GIGYF2: variants seen among roughly 807,000 people sequenced by gnomAD.
GIGYF2 encodes the protein GRB10-interacting GYF protein 2.
Under a neutral mutation model 208.1 loss-of-function variants are expected in GIGYF2, and 25 were observed. That is an observed-to-expected ratio of 0.12 (90% CI 0.09 to 0.17). The LOEUF (loss-of-function observed/expected upper bound fraction) is 0.17, where lower values mean the gene tolerates loss of function less well. Ranked by LOEUF, GIGYF2 falls within the 10% of genes least tolerant of loss-of-function variation. GIGYF2 has a pLI of 1.00. For missense variants in GIGYF2, 1,302 were observed against 1,579.4 expected (o/e 0.82, Z 2.98); for synonymous variants, 534 against 543.8 (o/e 0.98, Z 0.25).
At chr2:232,845,935 C>T in intron 26 of GIGYF2, 49 bp downstream of exon 26, 3 of 1,312,090 alleles carry the variant, frequency 2.3e-6, no homozygotes, top group Non-Finnish European at 3.3e-6. Flanking sequence ...AGAGCAGGAC[C>T]CACAGAGAGG....
chr2:232,782,209 A>AT (rs1699743147), intron 8 of GIGYF2, among the ~76,000 whole-genome samples: 1 of 151,868 alleles, frequency 6.6e-6, no homozygotes, highest in African/African-American at 2.4e-5. Flanking sequence ...CTTTTTAAAA[A>AT]ATTTTTTTTT....
intron 25 of GIGYF2, among the ~76,000 whole-genome samples, chr2:232,844,896 A>G (rs1041014814): frequency 6.6e-6 from 1 of 152,126 alleles, no homozygotes; most frequent in South Asian, 2.1e-4. Flanking sequence ...ATACCTTAGC[A>G]TTTTTCCTAT....
At chr2:232,735,467 C>T (rs1023071288) in intron 3 of GIGYF2, 1 of 410,362 alleles carries the variant, frequency 2.4e-6, no homozygotes, top group Admixed American at 4.1e-5. Flanking sequence ...GTAATGATGG[C>T]GGGAGTCCCA....
chr2:232,809,410 G>T (rs1700662784), intron 15 of GIGYF2, among the ~76,000 whole-genome samples: 1 of 152,006 alleles, frequency 6.6e-6, no homozygotes, highest in African/African-American at 2.4e-5. Flanking sequence ...CAGTCTTTCA[G>T]TTACAGTAAT....
chr2:232,720,583 A>ATTTTTTTT (rs1553605416), intron 2 of GIGYF2, among the ~76,000 whole-genome samples: 60 of 144,986 alleles, frequency 4.1e-4, no homozygotes, highest in South Asian at 2.6e-3. Flanking sequence ...ATATATATAT[A>ATTTTTTTT]TTTTTGTTTG....
chr2:232,857,027 T>A lies in GIGYF2; in HGVS notation c.*167T>A. On this transcript the variant is annotated 3_prime_UTR_variant, in exon 29 of 29. Coordinates refer to ENST00000373563, the MANE Select transcript of GIGYF2 (RefSeq NM_001103146.3). ...GCCCTTTGTGTCCAAGATTCTTTAA[T>A]CCATTTTTGTTGGTGAACATCTCAG... 3.0e-6 allele frequency: 2 copies of A among 675,284 alleles called. No homozygotes were observed. The highest frequency in any genetic ancestry group is 2.7e-5 in the East Asian group (1 of 36,630). The allele number at this position is 675,284 out of a possible 1,614,324, so 41.8% of individuals were successfully genotyped here.
At chr2:232,820,186 G>A in intron 21 of GIGYF2, among the ~76,000 whole-genome samples, 1 of 152,058 alleles carries the variant, frequency 6.6e-6, no homozygotes, top group Non-Finnish European at 1.5e-5. Context: ...AATAAAATTT[G>A]TCTTATCTTT....
intron 20 of GIGYF2, 28 bp from the exon 21 acceptor site, chr2:232,819,798 AC>A: frequency 6.8e-5 from 13 of 190,640 alleles, no homozygotes; most frequent in South Asian, 2.2e-4. Flanking sequence ...TCCCTCCCCC[AC>A]CCCCCACCCT....
At chr2:232,758,969 G>A (rs1698645828) in intron 6 of GIGYF2, among the ~76,000 whole-genome samples, 1 of 152,148 alleles carries the variant, frequency 6.6e-6, no homozygotes, top group African/African-American at 2.4e-5. Flanking sequence ...AAGTGAAGTT[G>A]ACACAAGTGG....
At chr2:232,770,282 G>A (rs937361537) in intron 8 of GIGYF2, among the ~76,000 whole-genome samples, 1 of 152,176 alleles carries the variant, frequency 6.6e-6, no homozygotes, top group Non-Finnish European at 1.5e-5. Context: ...AAGGGCACTA[G>A]TCCTCCTTTA....
At chr2:232,763,851 T>G (rs972001894) in intron 8 of GIGYF2, among the ~76,000 whole-genome samples, 80 of 151,204 alleles carry the variant, frequency 5.3e-4, no homozygotes, top group African/African-American at 1.8e-3. Context: ...AAAAAAGTTA[T>G]GTGAATGTGG....
At chr2:232,809,895 G>A (rs556652112) in intron 16 of GIGYF2, 84 bp downstream of exon 16, 2 of 843,188 alleles carry the variant, frequency 2.4e-6, no homozygotes, top group South Asian at 2.7e-5. Flanking sequence ...ACCTTTTACA[G>A]TAGAGAGGAC....
chr2:232,771,274 T>G, intron 8 of GIGYF2: 1 of 1,608,962 alleles, frequency 6.2e-7, no homozygotes, highest in Non-Finnish European at 8.5e-7. Context: ...GCCATCCATT[T>G]GAAGTGTGCT....
rs115473245 is a variant in GIGYF2, at chr2:232,776,256, A to G, written c.533-10894A>G. 7.9e-3 allele frequency among the ~76,000 whole-genome samples: 1,206 copies of G among 152,326 alleles called. 14 individuals are homozygous for G. Among genetic ancestry groups the G allele is most frequent in the African/African-American group, 0.027 (1,116 of 41,564 alleles). On this transcript the variant is annotated intron_variant, in intron 8 of 28. Transcript: ENST00000373563. Reference sequence around the variant, plus strand: ...AAGAAAATTTCCAGTAATACATTCAATATGGCTGTTATTGCATTTTTAAGA... The same window carrying G: ...AAGAAAATTTCCAGTAATACATTCAGTATGGCTGTTATTGCATTTTTAAGA...
intron 28 of GIGYF2, among the ~76,000 whole-genome samples, chr2:232,851,120 A>C (rs1440589357): frequency 6.6e-6 from 1 of 152,130 alleles, no homozygotes; most frequent in Non-Finnish European, 1.5e-5. Context: ...CAGGAGTTTG[A>C]GACCAGCTGG....
intron 9 of GIGYF2, among the ~76,000 whole-genome samples, chr2:232,788,830 C>A (rs1699991325): frequency 6.6e-6 from 1 of 151,866 alleles, no homozygotes; most frequent in Non-Finnish European, 1.5e-5. Flanking sequence ...TTTTTTCAGT[C>A]ACACCTGTGG....
chr2:232,820,941 G>A (rs776459733), intron 21 of GIGYF2, among the ~76,000 whole-genome samples: 3 of 149,448 alleles, frequency 2.0e-5, no homozygotes, highest in Non-Finnish European at 4.5e-5. Flanking sequence ...AGCGATTCTC[G>A]TGTCTAAGCC....
chr2:232,705,280 C>T (rs1310615877), intron 2 of GIGYF2, among the ~76,000 whole-genome samples: 4 of 152,196 alleles, frequency 2.6e-5, no homozygotes, highest in Non-Finnish European at 5.9e-5. Context: ...GGGACCGTTA[C>T]TTTTGGGAAA....
At position 232,816,996 on chromosome 2, in the gene GIGYF2, A is replaced by G. The variant is rs1476374176; in HGVS notation, c.2334A>G (p.Lys778=). The G allele has an allele frequency of 1.2e-6, 2 of 1,613,840 alleles. No homozygotes were observed. The change falls in exon 20 of 29, where the codon AAA becomes AAG. Residue 778 remains lysine, a synonymous_variant. Coordinates refer to ENST00000373563, the MANE Select transcript of GIGYF2 (RefSeq NM_001103146.3). ...ILRRQQEEER[K]RREEEELARR... is the part of the protein sequence containing the mutation. ...GGCGACAGCAGGAAGAAGAAAGGAA[A>G]AGGCGAGAGGAAGAAGAACTTGCCC...
Sources: allele counts gnomAD v4.1 joint callset (sites outside exome capture counted in the v4.1 genomes callset), GRCh38; gene constraint gnomAD v4.1.1; transcripts MANE v1.5; gene names NCBI Gene and HGNC (gene_info 2026-07-23, HGNC 2026-07-21).